Variants in XYLT1 observed in about 807,000 individuals in gnomAD.
XYLT1 encodes beta-D-xylosyltransferase 1.
A neutral mutation model predicts 91.3 loss-of-function variants in XYLT1; 36 were observed. The ratio of observed to expected loss-of-function variants is 0.39; its 90% confidence interval spans 0.30 to 0.52. The LOEUF (loss-of-function observed/expected upper bound fraction) is 0.52, where lower values mean the gene tolerates loss of function less well. Ranked by LOEUF, XYLT1 falls within the 20% of genes least tolerant of loss-of-function variation. The probability of loss-of-function intolerance (pLI) is 0.68; values close to 1 mark genes in which losing one functional copy is unlikely to be tolerated. For missense variants in XYLT1, 1,242 were observed against 1,284.5 expected (o/e 0.97, Z 0.51); for synonymous variants, 588 against 532.0 (o/e 1.11, Z -1.45).
chr16:17,417,482 C>G (rs1387036735), intron 1 of XYLT1, among the ~76,000 whole-genome samples: 1 of 152,074 alleles, frequency 6.6e-6, no homozygotes, highest in African/African-American at 2.4e-5. Context: ...ACTTAACCTT[C>G]CCATTCCTGC....
chr16:17,204,065 A>C (rs2032593920), intron 3 of XYLT1, among the ~76,000 whole-genome samples: 1 of 152,178 alleles, frequency 6.6e-6, no homozygotes, highest in African/African-American at 2.4e-5. Context: ...CAGGTCACAC[A>C]GTGAGTGAGG....
chr16:17,464,424 G>A lies in XYLT1; in HGVS notation c.363+6010C>T, dbSNP rs113664487. Among the ~76,000 whole-genome samples the A allele has an allele frequency of 2.7e-3, 415 of 151,212 alleles. 1 individual carries two copies. Among genetic ancestry groups the A allele is most frequent in the Non-Finnish European group, 3.7e-3 (248 of 67,836 alleles). On this transcript the variant is annotated intron_variant, in intron 1 of 11. Coordinates refer to ENST00000261381, the MANE Select transcript of XYLT1 (RefSeq NM_022166.4). ...GGAGAATTGCTTGAACCTGAGAGGCGGAGGTAGCAGTGAGTCAAGATTGTG... is the reference window on the plus strand; with the variant it reads ...GGAGAATTGCTTGAACCTGAGAGGCAGAGGTAGCAGTGAGTCAAGATTGTG...
intron 2 of XYLT1, among the ~76,000 whole-genome samples, chr16:17,269,207 CAG>C (rs1340899864): frequency 6.7e-6 from 1 of 150,310 alleles, no homozygotes; most frequent in African/African-American, 2.5e-5. Flanking sequence ...TTTTTTGAGA[CAG>C]GGTCTCATTT....
chr16:17,117,516 G>C, intron 11 of XYLT1, 130 bp downstream of exon 11: 1 of 944,566 alleles, frequency 1.1e-6, no homozygotes, highest in Non-Finnish European at 1.6e-6. Context: ...AAAGTATTGA[G>C]AGCAAGGAGT....
chr16:17,263,280 A>T (rs1596455430), intron 2 of XYLT1, among the ~76,000 whole-genome samples: 1 of 151,176 alleles, frequency 6.6e-6, no homozygotes, highest in African/African-American at 2.4e-5. Context: ...ATCTCCCTCC[A>T]CCCCCCACGG....
At chr16:17,205,191 A>AGAT (rs2032621470) in intron 3 of XYLT1, among the ~76,000 whole-genome samples, 1 of 152,216 alleles carries the variant, frequency 6.6e-6, no homozygotes, top group East Asian at 1.9e-4. Flanking sequence ...CTCCCCCAGT[A>AGAT]GATAGCTGTG....
rs770937952 is a variant in XYLT1, at chr16:17,138,382, G to A, written c.1737C>T (p.Phe579=). ...VDWCGCSPND[F]KPQDFHRFQQ... The stretch of plus-strand genomic sequence containing the variant: ...GGAAGCGGTGGAAGTCCTGCGGCTT[G>A]AAGTCATTGGGGGAGCAGCCGCACC... The change falls in exon 8 of 12, where the codon TTC becomes TTT. Residue 579 remains phenylalanine (F), a synonymous_variant. Coordinates refer to ENST00000261381, the MANE Select transcript of XYLT1 (RefSeq NM_022166.4). The A allele has an allele frequency of 1.2e-6, 2 of 1,613,934 alleles. No individual in the cohort carries two copies. Among genetic ancestry groups the A allele is most frequent in the Non-Finnish European group, 1.7e-6 (2 of 1,179,944 alleles).
chr16:17,133,971 A>ATGAT (rs1390554185), intron 9 of XYLT1, among the ~76,000 whole-genome samples: 1 of 152,322 alleles, frequency 6.6e-6, no homozygotes, highest in African/African-American at 2.4e-5. Flanking sequence ...GATGGCTGAA[A>ATGAT]TGATAGGATG....
At chr16:17,220,014 C>T (rs1006645597) in intron 3 of XYLT1, among the ~76,000 whole-genome samples, 1 of 152,058 alleles carries the variant, frequency 6.6e-6, no homozygotes, top group Non-Finnish European at 1.5e-5. Context: ...TGAGCTGGCC[C>T]CTAGACCAGA....
At chr16:17,183,641 GGAAATC>G (rs1178006660) in intron 5 of XYLT1, among the ~76,000 whole-genome samples, 1 of 152,158 alleles carries the variant, frequency 6.6e-6, no homozygotes, top group African/African-American at 2.4e-5. Flanking sequence ...GATAATGCAT[GGAAATC>G]ACTTGGCCTA....
chr16:17,173,256 G>A (rs2031866927), intron 5 of XYLT1, among the ~76,000 whole-genome samples: 1 of 152,168 alleles, frequency 6.6e-6, no homozygotes, highest in African/African-American at 2.4e-5. Flanking sequence ...GCAGATTTGT[G>A]CACGCCACAC....
intron 2 of XYLT1, among the ~76,000 whole-genome samples, chr16:17,337,835 C>T (rs1461050963): frequency 6.9e-6 from 1 of 145,852 alleles, no homozygotes; most frequent in Non-Finnish European, 1.5e-5. Flanking sequence ...GGCTGGAGCG[C>T]AGTGACGCCA....
intron 5 of XYLT1, among the ~76,000 whole-genome samples, chr16:17,168,697 T>A (rs2031756287): frequency 6.6e-6 from 1 of 152,160 alleles, no homozygotes; most frequent in South Asian, 2.1e-4. Context: ...GAGTATGTTT[T>A]CCTGGACTCC....
At chr16:17,466,026 G>A (rs542384573) in intron 1 of XYLT1, among the ~76,000 whole-genome samples, 4 of 152,254 alleles carry the variant, frequency 2.6e-5, no homozygotes, top group African/African-American at 7.2e-5. Flanking sequence ...TTGGTGCCGG[G>A]GCCTCGCACA....
intron 1 of XYLT1, among the ~76,000 whole-genome samples, chr16:17,379,757 T>TTTCACACACACACACA (rs1555501187): frequency 4.6e-5 from 6 of 129,924 alleles, no homozygotes; most frequent in African/African-American, 2.0e-4. Context: ...TCTCTCTCTC[T>TTTCACACACACACACA]CTCTCTCACA....
At chr16:17,157,337 G>A (rs1291616167) in intron 6 of XYLT1, among the ~76,000 whole-genome samples, 4 of 152,126 alleles carry the variant, frequency 2.6e-5, no homozygotes, top group Non-Finnish European at 5.9e-5. Context: ...CTGTCACAGA[G>A]CCAGCCAAAA....
In XYLT1 at chr16:17,323,590, G is replaced by A. The variant is rs117746568; in HGVS notation, c.402+34422C>T. On this transcript the variant is annotated intron_variant, in intron 2 of 11. Transcript: ENST00000261381. Reference sequence around the variant, plus strand: ...TTATTTAACTAAAGCCAGTTATTTCGTCATCACGGTTCACTTTATTCCCAG... The same window carrying A: ...TTATTTAACTAAAGCCAGTTATTTCATCATCACGGTTCACTTTATTCCCAG... Among the ~76,000 whole-genome samples the A allele has an allele frequency of 2.0e-3, 305 of 152,228 alleles. 7 individuals carry two copies. The East Asian group carries it at 0.052, about 26-fold the overall frequency.
chr16:17,175,223 C>T (rs2031914985), intron 5 of XYLT1, among the ~76,000 whole-genome samples: 1 of 152,134 alleles, frequency 6.6e-6, no homozygotes. Context: ...ACGCTATCCA[C>T]CTAATCCTCA....
In XYLT1 at chr16:17,104,656, A is replaced by T. The variant is rs888115455; in HGVS notation, c.*4039T>A. The stretch of plus-strand genomic sequence containing the variant: ...ACTATCTGTTAAAAAAAACAAAAAC[A>T]AACAAACAAACAACCCGACGTTGAA... On this transcript the variant is annotated 3_prime_UTR_variant, in exon 12 of 12. Coordinates refer to ENST00000261381, the MANE Select transcript of XYLT1 (RefSeq NM_022166.4). The T allele has an allele frequency of 6.8e-6, 1 of 147,790 alleles. No individual in the cohort carries two copies. The highest frequency in any genetic ancestry group is 2.7e-5 in the African/African-American group (1 of 37,400). 9.2% of individuals were successfully genotyped at this position (147,790 alleles called of 1,614,324 possible).
Sources: allele counts gnomAD v4.1 joint callset (sites outside exome capture counted in the v4.1 genomes callset), GRCh38; gene constraint gnomAD v4.1.1; transcripts MANE v1.5; gene names NCBI Gene and HGNC (gene_info 2026-07-23, HGNC 2026-07-21).